DNAH8: variants seen among roughly 807,000 people sequenced by gnomAD.
DNAH8 encodes dynein axonemal heavy chain 8.
Under a neutral mutation model 562.1 loss-of-function variants are expected in DNAH8, and 382 were observed. That is an observed-to-expected ratio of 0.68 (90% CI 0.63 to 0.74). The LOEUF is 0.74. DNAH8 is among the 30% of genes least tolerant of loss of function. The probability of loss-of-function intolerance (pLI) is 0.00; values close to 1 mark genes in which losing one functional copy is unlikely to be tolerated. For synonymous variants in DNAH8, 1,881 were observed against 1,919.4 expected, an observed-to-expected ratio of 0.98 and a Z score of 0.52; for missense variants, 5,203 against 5,620.4, an observed-to-expected ratio of 0.93 and a Z score of 2.37.
chr6:38,928,470 G>T (rs1782282354), intron 74 of DNAH8, among the ~76,000 whole-genome samples: 1 of 152,076 alleles, frequency 6.6e-6, no homozygotes, highest in South Asian at 2.1e-4. Flanking sequence ...TTACAGGAAG[G>T]TCTTTACAGC....
At chr6:38,791,523 G>GT (rs373968893) in intron 20 of DNAH8, 32 bp from the exon 21 acceptor site, 1,014 of 1,557,866 alleles carry the variant, frequency 6.5e-4, no homozygotes, top group South Asian at 1.3e-3. Context: ...GGAAAGAAGA[G>GT]TTTTTTTTTC....
rs201917454 is a variant in DNAH8, at chr6:38,822,852, G to A, written c.3538G>A (p.Ala1180Thr). ...LKKEERSFEE[A>T]IPARKLKNFY... is the part of the protein sequence containing the mutation. ...TCTGTTTTCAGGATCTTTTGAAGAA[G>A]CTATTCCTGCGAGGAAGCTGAAGAA... The change falls in exon 27 of 93, where the codon GCT becomes ACT. Residue 1180 changes from alanine to threonine, a missense_variant. By Grantham distance (58) the Ala-to-Thr change is moderately conservative. Transcript: ENST00000327475. 181 of 1,593,726 alleles carry A rather than the reference G, an allele frequency of 1.1e-4. No individual in the cohort carries two copies. The highest frequency in any genetic ancestry group is 1.7e-4 in the Middle Eastern group (1 of 5,908).
chr6:38,790,952 A>C (rs1012358752), intron 20 of DNAH8, among the ~76,000 whole-genome samples: 7 of 152,182 alleles, frequency 4.6e-5, no homozygotes, highest in Admixed American at 2.6e-4. Context: ...TCAACTTCAC[A>C]CTGTAGCTTA....
chr6:38,902,123 C>T (rs1780119553), intron 62 of DNAH8, among the ~76,000 whole-genome samples: 1 of 152,142 alleles, frequency 6.6e-6, no homozygotes, highest in Non-Finnish European at 1.5e-5. Flanking sequence ...TTAGGAATGA[C>T]GGAGGCTTAA....
chr6:38,860,474 A>G lies in DNAH8; in HGVS notation c.5976A>G (p.Lys1992=), dbSNP rs149392881. ...TTTTTAAGGTAAAAATGCATATCAA[A>G]TCACCTACTGACTTTGAATGGCTAA... ...IFDDLVKMHI[K]SPTDFEWLKQ... The change falls in exon 43 of 93, where the codon AAA becomes AAG. Residue 1992 remains lysine (K), a synonymous_variant. Coordinates refer to ENST00000327475, the MANE Select transcript of DNAH8 (RefSeq NM_001206927.2). 1.0e-5 allele frequency: 15 copies of G among 1,437,552 alleles called. No individual in the cohort carries two copies. Among genetic ancestry groups the G allele is most frequent in the African/African-American group, 8.8e-5 (6 of 67,932 alleles). The allele number at this position is 1,437,552 out of a possible 1,614,324, so 89.0% of individuals were successfully genotyped here.
chr6:38,883,591 TG>T (rs1346988769), intron 55 of DNAH8, 135 bp downstream of exon 55: 3 of 1,063,196 alleles, frequency 2.8e-6, no homozygotes, highest in Non-Finnish European at 2.6e-6. Flanking sequence ...GGCATTCAGC[TG>T]TTTAGCTTTC....
At chr6:38,932,495 T>C (rs1338036923) in intron 76 of DNAH8, among the ~76,000 whole-genome samples, 1 of 152,074 alleles carries the variant, frequency 6.6e-6, no homozygotes, top group African/African-American at 2.4e-5. Context: ...AAGAACAACT[T>C]AGGACTGGAA....
chr6:39,013,227 T>A (rs566676389), intron 91 of DNAH8, among the ~76,000 whole-genome samples: 1 of 152,342 alleles, frequency 6.6e-6, no homozygotes, highest in Admixed American at 6.5e-5. Context: ...TTCAGAAACA[T>A]GACACATTTT....
At chr6:38,733,930 A>G (rs1357337907) in intron 4 of DNAH8, among the ~76,000 whole-genome samples, 3 of 147,222 alleles carry the variant, frequency 2.0e-5, no homozygotes, top group South Asian at 2.2e-4. Context: ...AAAGAAAAAG[A>G]AAAAAAAAAG....
chr6:39,009,893 A>G (rs6458089), intron 89 of DNAH8, among the ~76,000 whole-genome samples: 82,415 of 152,074 alleles, frequency 0.54, 23,087 homozygotes, highest in Non-Finnish European at 0.61. Context: ...ATATTTTTAA[A>G]TGGATAAATA....
At chr6:38,853,081 CTGTT>C (rs767623655) in intron 40 of DNAH8, 101 bp from the exon 41 acceptor site, 191 of 849,936 alleles carry the variant, frequency 2.2e-4, no homozygotes, top group Middle Eastern at 1.1e-3. Context: ...AAATATGAAA[CTGTT>C]TGCTTGGCAT....
At chr6:38,966,209 C>T (rs1320863776) in intron 82 of DNAH8, among the ~76,000 whole-genome samples, 1 of 152,122 alleles carries the variant, frequency 6.6e-6, no homozygotes, top group African/African-American at 2.4e-5. Flanking sequence ...TAAGGGAATA[C>T]TGTGAACAAT....
intron 25 of DNAH8, among the ~76,000 whole-genome samples, chr6:38,815,048 T>C (rs1156921610): frequency 1.3e-5 from 2 of 152,188 alleles, no homozygotes; most frequent in African/African-American, 4.8e-5. Flanking sequence ...ATTTGGCACA[T>C]TTCAAAGAAC....
chr6:38,950,404 C>T (rs1032430817), intron 81 of DNAH8, among the ~76,000 whole-genome samples: 10 of 151,724 alleles, frequency 6.6e-5, no homozygotes, highest in Admixed American at 1.3e-4. Flanking sequence ...ACCAGAACAA[C>T]GCTAATGTTG....
chr6:39,024,978 G>A (rs943096217), intron 91 of DNAH8, among the ~76,000 whole-genome samples: 6 of 152,296 alleles, frequency 3.9e-5, no homozygotes, highest in South Asian at 2.1e-4. Flanking sequence ...TGGGCACTCC[G>A]AGTAAATGTG....
In DNAH8 at chr6:39,030,318, G is replaced by A. The variant is rs781709296; in HGVS notation, c.14050G>A (p.Val4684Ile). 13 of 1,613,988 alleles carry A rather than the reference G, an allele frequency of 8.1e-6. No homozygotes were observed. The highest frequency in any genetic ancestry group is 1.1e-5 in the Non-Finnish European group (13 of 1,179,886). Reference protein sequence around the residue: ...RRTDLTFITVVYLRTVLSPDH... With the variant: ...RRTDLTFITVIYLRTVLSPDH... ...AACTGATTTGACCTTCATCACTGTG[G>A]TATATTTACGAACAGTGTTGTCCCC... Residue 4684 changes from valine to isoleucine, a missense_variant, in exon 93 of 93, where the codon GTA (valine) becomes ATA (isoleucine). Val to Ile is a conservative substitution (Grantham distance 29, BLOSUM62 3). Coordinates refer to ENST00000327475, the MANE Select transcript of DNAH8 (RefSeq NM_001206927.2).
chr6:38,722,416 G>A (rs543491065), intron 1 of DNAH8, among the ~76,000 whole-genome samples: 1 of 152,138 alleles, frequency 6.6e-6, no homozygotes, highest in African/African-American at 2.4e-5. Flanking sequence ...TAATTCAGTG[G>A]CTCTCATCTT....
intron 41 of DNAH8, among the ~76,000 whole-genome samples, chr6:38,854,484 A>T (rs1776024993): frequency 6.6e-6 from 1 of 152,210 alleles, no homozygotes. Flanking sequence ...CATTTATTCA[A>T]ACCACAGAAG....
chr6:38,896,855 C>T (rs543449252), intron 60 of DNAH8, among the ~76,000 whole-genome samples: 7 of 152,206 alleles, frequency 4.6e-5, no homozygotes, highest in East Asian at 1.9e-4. Context: ...GGCACGATCT[C>T]GGCTCACTGC....
Sources: allele counts gnomAD v4.1 joint callset (sites outside exome capture counted in the v4.1 genomes callset), GRCh38; gene constraint gnomAD v4.1.1; transcripts MANE v1.5; gene names NCBI Gene and HGNC (gene_info 2026-07-23, HGNC 2026-07-21).